The following TTR variants were observed in gnomAD, a reference collection of about 807,000 sequenced individuals.
The protein encoded by TTR is epididymis luminal protein 111.
In TTR, 8 loss-of-function variants were observed where a neutral mutation model predicts 13.7. That is an observed-to-expected ratio of 0.58 (90% CI 0.34 to 1.05). TTR has a LOEUF of 1.05. Ranked by LOEUF, TTR falls within the 50% of genes least tolerant of loss-of-function variation. The pLI, the probability that TTR is intolerant of heterozygous loss-of-function variation, is 0.02. For synonymous variants in TTR, 75 were observed against 71.7 expected, an observed-to-expected ratio of 1.05 and a Z score of -0.23; for missense variants, 135 against 185.5, an observed-to-expected ratio of 0.73 and a Z score of 1.58.
intron 1 of TTR, among the ~76,000 whole-genome samples, chr18:31,592,618 C>T (rs1026937323): frequency 1.2e-4 from 19 of 152,120 alleles, no homozygotes; most frequent in African/African-American, 4.6e-4. Flanking sequence ...TTTAACAAAG[C>T]AACTGTTCTC....
intron 3 of TTR, 122 bp downstream of exon 3, chr18:31,595,377 A>G (rs1170991505): frequency 4.4e-6 from 6 of 1,372,806 alleles, no homozygotes; most frequent in Non-Finnish European, 6.1e-6. Flanking sequence ...GAATGACCAA[A>G]GGTTCCCTTT....
intron 1 of TTR, 128 bp from the exon 2 acceptor site, chr18:31,592,768 A>G: frequency 7.9e-7 from 1 of 1,267,828 alleles, no homozygotes; most frequent in Non-Finnish European, 1.1e-6. Context: ...AATTGTCGAC[A>G]CTTACGTTCC....
At position 31,595,235 on chromosome 18, in the gene TTR, C is replaced by G; in HGVS notation, c.316C>G (p.Pro106Ala). Residue 106 changes from proline (P) to alanine (A), a missense_variant, in exon 3 of 4, where the codon CCA becomes GCA. By Grantham distance (27) the Pro-to-Ala change is conservative (BLOSUM62 -1). Coordinates refer to ENST00000237014, the MANE Select transcript of TTR (RefSeq NM_000371.4). ...KSYWKALGISPFHEHAEVVFT... is the reference protein window; with the variant it reads ...KSYWKALGISAFHEHAEVVFT... ...TTACTGGAAGGCACTTGGCATCTCC[C>G]CATTCCATGAGCATGCAGAGGTGAG... is the stretch of plus-strand genomic sequence containing the variant. 1 of 1,614,152 alleles carries G rather than the reference C, an allele frequency of 6.2e-7. No individual in the cohort carries two copies. The highest frequency in any genetic ancestry group is 1.1e-5 in the South Asian group (1 of 91,076).
intron 1 of TTR, 123 bp from the exon 2 acceptor site, chr18:31,592,773 C>T (rs1374171035): frequency 6.1e-6 from 8 of 1,306,202 alleles, no homozygotes; most frequent in Middle Eastern, 2.0e-4. Flanking sequence ...TCGACACTTA[C>T]GTTCCTGATA....
chr18:31,592,118 A>ATTCTTTTTGAAGTTTG, intron 1 of TTR, 147 bp downstream of exon 1: 1 of 819,860 alleles, frequency 1.2e-6, no homozygotes, highest in Non-Finnish European at 2.0e-6. Flanking sequence ...TTCAAACTTC[A>ATTCTTTTTGAAGTTTG]AAAAGAATGA....
intron 1 of TTR, 52 bp from the exon 2 acceptor site, chr18:31,592,844 C>A (rs1451820816): frequency 1.2e-6 from 2 of 1,609,364 alleles, no homozygotes; most frequent in African/African-American, 2.7e-5. Flanking sequence ...AGAATAAATC[C>A]TTTCACTCTG....
intron 3 of TTR, among the ~76,000 whole-genome samples, chr18:31,596,909 A>ACCTTCT: frequency 1.3e-5 from 2 of 152,302 alleles, no homozygotes; most frequent in South Asian, 4.2e-4. Flanking sequence ...GGCTTCATGC[A>ACCTTCT]GCTTCTTCTG....
intron 3 of TTR, chr18:31,596,093 C>T (rs1284072209): frequency 1.3e-5 from 2 of 155,482 alleles, no homozygotes; most frequent in Non-Finnish European, 2.9e-5. Flanking sequence ...GATCTTCAAA[C>T]AGTTATACAT....
chr18:31,595,019 T>A, intron 2 of TTR, 101 bp from the exon 3 acceptor site: 1 of 1,296,860 alleles, frequency 7.7e-7, no homozygotes, highest in Non-Finnish European at 1.1e-6. Context: ...CATAACATGT[T>A]TATAACATGT....
intron 3 of TTR, chr18:31,598,152 C>A: frequency 3.1e-6 from 1 of 327,592 alleles, no homozygotes; most frequent in Non-Finnish European, 6.0e-6. Context: ...AGAATGTTTC[C>A]AGCTCCAGAA....
intron 2 of TTR, among the ~76,000 whole-genome samples, chr18:31,594,453 C>A (rs888056581): frequency 6.6e-6 from 1 of 152,328 alleles, no homozygotes; most frequent in East Asian, 1.9e-4. Context: ...AAGCTATCCT[C>A]ACACCACAAG....
intron 3 of TTR, among the ~76,000 whole-genome samples, chr18:31,597,755 A>T (rs1403321922): frequency 1.3e-5 from 2 of 152,212 alleles, no homozygotes; most frequent in Non-Finnish European, 2.9e-5. Context: ...TCTGAGAACC[A>T]AGGCTGTCCC....
chr18:31,593,399 A>G (rs566454895), intron 2 of TTR: 2 of 277,960 alleles, frequency 7.2e-6, no homozygotes, highest in Admixed American at 4.8e-5. Flanking sequence ...TGATTTTAGG[A>G]GTTTCACAGA....
At position 31,595,586 on chromosome 18, in the gene TTR, A is replaced by G. The variant is rs181182372; in HGVS notation, c.336+331A>G. ...GCCCTCCAGACCCCACGTAGAGTGTATGTAACAAGAGATGCACCATTTTAT... is the reference window on the plus strand; with the variant it reads ...GCCCTCCAGACCCCACGTAGAGTGTGTGTAACAAGAGATGCACCATTTTAT... On this transcript the variant is annotated intron_variant, in intron 3 of 3. Coordinates refer to ENST00000237014, the MANE Select transcript of TTR (RefSeq NM_000371.4). The G allele has an allele frequency of 4.1e-4, 166 of 405,506 alleles. 1 individual carries two copies. Among genetic ancestry groups the G allele is most frequent in the Non-Finnish European group, 9.4e-5 (20 of 212,428 alleles). 25.1% of individuals were successfully genotyped at this position (405,506 alleles called of 1,614,324 possible).
intron 3 of TTR, chr18:31,597,380 C>T (rs974514182): frequency 6.6e-6 from 1 of 152,170 alleles, no homozygotes; most frequent in Admixed American, 6.6e-5. Context: ...ATGCCTCTTA[C>T]AATTTTTAAG....
At chr18:31,594,205 A>G (rs1326376294) in intron 2 of TTR, among the ~76,000 whole-genome samples, 2 of 152,344 alleles carry the variant, frequency 1.3e-5, no homozygotes, top group African/African-American at 4.8e-5. Context: ...AGTAAAGACA[A>G]CTGCTATTTT....
chr18:31,597,171 A>G (rs2073521233), intron 3 of TTR: 1 of 152,126 alleles, frequency 6.6e-6, no homozygotes, highest in Non-Finnish European at 1.5e-5. Flanking sequence ...CAGCCTCCCG[A>G]GTAGCTGGGA....
At chr18:31,598,235 T>G in intron 3 of TTR, 1 of 394,810 alleles carries the variant, frequency 2.5e-6, no homozygotes, top group Non-Finnish European at 4.8e-6. Flanking sequence ...CAGTTTTGCA[T>G]TCTCCCTACC....
intron 2 of TTR, 99 bp downstream of exon 2, chr18:31,593,125 C>CA: frequency 6.4e-7 from 1 of 1,573,200 alleles, no homozygotes; most frequent in Non-Finnish European, 8.7e-7. Flanking sequence ...AAAGAATTTA[C>CA]AAGTAGATTG....
Sources: gnomAD v4.1 joint callset for allele counts (sites outside exome capture counted in the v4.1 genomes callset) on GRCh38, gnomAD v4.1.1 for gene constraint, MANE v1.5 for transcripts, NCBI Gene and HGNC (gene_info 2026-07-23, HGNC 2026-07-21) for gene names.